The following DLG2 variants were observed in gnomAD, a reference collection of about 807,000 sequenced individuals.
The protein encoded by DLG2 is discs large MAGUK scaffold protein 2.
DLG2 carries 45 observed loss-of-function variants against 132.5 expected under a neutral mutation model. The ratio of observed to expected loss-of-function variants is 0.34; its 90% confidence interval spans 0.27 to 0.44. The LOEUF (loss-of-function observed/expected upper bound fraction) is 0.44. DLG2 is among the 20% of genes least tolerant of loss of function. The pLI, the probability that DLG2 is intolerant of heterozygous loss-of-function variation, is 1.00. For missense variants in DLG2, 1,045 were observed against 1,196.9 expected, an observed-to-expected ratio of 0.87 and a Z score of 1.87; for synonymous variants, 424 against 419.6, an observed-to-expected ratio of 1.01 and a Z score of -0.13.
In DLG2 at chr11:83,847,377, G is replaced by A. The variant is rs572910591; in HGVS notation, c.1566-13607C>T. On this transcript the variant is annotated intron_variant, in intron 16 of 27. Transcript: ENST00000376104. ...TGAAAGATTTTTTAAAATGTCTTTCGAGTTGAAGCATTATGGTATTATGAA... is the reference window on the plus strand; with the variant it reads ...TGAAAGATTTTTTAAAATGTCTTTCAAGTTGAAGCATTATGGTATTATGAA... Among the ~76,000 whole-genome samples the A allele has an allele frequency of 2.2e-3, 335 of 152,172 alleles. 2 individuals carry two copies. Among genetic ancestry groups the A allele is most frequent in the Non-Finnish European group, 2.6e-3 (176 of 67,990 alleles).
intron 4 of DLG2, among the ~76,000 whole-genome samples, chr11:85,193,877 T>C (rs1191533073): frequency 3.3e-5 from 5 of 152,238 alleles, no homozygotes; most frequent in African/African-American, 1.2e-4. Context: ...TTGTGCTATG[T>C]GGTTCAAATG....
chr11:84,731,410 A>C (rs2063135904), intron 6 of DLG2, among the ~76,000 whole-genome samples: 1 of 152,028 alleles, frequency 6.6e-6, no homozygotes. Context: ...GAGGAGAGCT[A>C]CATGGCTCTA....
At chr11:83,590,021 G>C (rs1001918752) in intron 19 of DLG2, among the ~76,000 whole-genome samples, 2 of 135,126 alleles carry the variant, frequency 1.5e-5, no homozygotes, top group Non-Finnish European at 3.1e-5. Context: ...AAGAGACTTA[G>C]ACTCCCACAC....
At chr11:83,824,834 T>C (rs190769915) in intron 17 of DLG2, among the ~76,000 whole-genome samples, 47 of 152,200 alleles carry the variant, frequency 3.1e-4, no homozygotes, top group African/African-American at 1.1e-3. Flanking sequence ...AGTAGTGATA[T>C]TGTGAGTCAG....
chr11:83,798,112 A>G (rs1278582827), intron 17 of DLG2, among the ~76,000 whole-genome samples: 2 of 152,192 alleles, frequency 1.3e-5, no homozygotes, highest in East Asian at 3.9e-4. Flanking sequence ...ATGGCTGCCA[A>G]GGTTTTCCAC....
At position 84,160,348 on chromosome 11, in the gene DLG2, T is replaced by C. The variant is rs144793576; in HGVS notation, c.624+3113A>G. Among the ~76,000 whole-genome samples, 56 of 152,168 alleles carry C rather than the reference T, an allele frequency of 3.7e-4. No homozygotes were observed. The East Asian group carries it at 0.01, about 28-fold the overall frequency. ...CTGGAAGTTAAAATGTTGACATCTT[T>C]GAGGAAGGAGGAAGCATCAAATCCT... On this transcript the variant is annotated intron_variant, in intron 9 of 27. Transcript: ENST00000376104.
At chr11:85,330,791 T>TTAAAAAAAAAAAAAAAAAAAAAAAA (rs1565332845) in intron 3 of DLG2, among the ~76,000 whole-genome samples, 1 of 69,072 alleles carries the variant, frequency 1.4e-5, no homozygotes, top group Non-Finnish European at 2.8e-5. Context: ...AAAAAAAAAA[T>TTAAAAAAAAAAAAAAAAAAAAAAAA]TAAAAAAAAA....
intron 6 of DLG2, among the ~76,000 whole-genome samples, chr11:84,900,536 C>T (rs1322164355): frequency 6.6e-6 from 1 of 151,918 alleles, no homozygotes; most frequent in East Asian, 1.9e-4. Flanking sequence ...GTGAAAATCT[C>T]TATTAGTCAA....
chr11:83,989,783 T>C lies in DLG2; in HGVS notation c.920-9141A>G, dbSNP rs188319454. Among the ~76,000 whole-genome samples, 50 of 152,222 alleles carry C rather than the reference T, an allele frequency of 3.3e-4. 1 individual carries two copies. The highest frequency in any genetic ancestry group is 2.9e-3 in the Admixed American group (45 of 15,264). On this transcript the variant is annotated intron_variant, in intron 11 of 27. Transcript: ENST00000376104. ...GTATTTATGATACAGTAAGACAGGG[T>C]AGTCCCTACTGAAATGAATACAATG...
At chr11:84,247,435 T>G (rs1211146716) in intron 8 of DLG2, among the ~76,000 whole-genome samples, 1 of 152,112 alleles carries the variant, frequency 6.6e-6, no homozygotes, top group East Asian at 1.9e-4. Flanking sequence ...ATAAAAATAT[T>G]GAGCAAAAAA....
intron 18 of DLG2, among the ~76,000 whole-genome samples, chr11:83,673,240 A>G (rs1270552948): frequency 2.0e-5 from 3 of 152,242 alleles, no homozygotes; most frequent in Admixed American, 6.5e-5. Flanking sequence ...GTTTTTTAAA[A>G]AAGCAATATT....
intron 3 of DLG2, among the ~76,000 whole-genome samples, chr11:85,540,495 C>G (rs2075894213): frequency 6.6e-6 from 1 of 152,166 alleles, no homozygotes; most frequent in African/African-American, 2.4e-5. Context: ...CCATTCCATC[C>G]CCCTCTGGCC....
chr11:85,428,819 A>G (rs1398464020), intron 3 of DLG2, among the ~76,000 whole-genome samples: 1 of 152,222 alleles, frequency 6.6e-6, no homozygotes, highest in Non-Finnish European at 1.5e-5. Context: ...AAACCCTTCA[A>G]AAAATCAATG....
chr11:84,002,677 G>A (rs574360762), intron 11 of DLG2, among the ~76,000 whole-genome samples: 7 of 152,176 alleles, frequency 4.6e-5, no homozygotes, highest in African/African-American at 7.2e-5. Flanking sequence ...CAAGGCCCTC[G>A]TCCTTGCCCA....
intron 9 of DLG2, among the ~76,000 whole-genome samples, chr11:84,144,938 T>C (rs1291553161): frequency 6.6e-5 from 10 of 152,192 alleles, no homozygotes; most frequent in Admixed American, 6.5e-4. Flanking sequence ...ACCTGTAATC[T>C]AGTGACCCAG....
intron 18 of DLG2, among the ~76,000 whole-genome samples, chr11:83,781,733 C>T (rs1017553291): frequency 2.0e-5 from 3 of 152,126 alleles, no homozygotes; most frequent in Admixed American, 6.6e-5. Context: ...CTCTTAACTC[C>T]ATTTTGAGCT....
At chr11:84,595,967 A>G (rs1274475460) in intron 6 of DLG2, among the ~76,000 whole-genome samples, 5 of 152,214 alleles carry the variant, frequency 3.3e-5, no homozygotes, top group African/African-American at 1.2e-4. Flanking sequence ...TTGCATCTTA[A>G]AGGTAAGAGC....
intron 9 of DLG2, among the ~76,000 whole-genome samples, chr11:84,136,656 C>T (rs1945821): frequency 0.74 from 112,361 of 152,034 alleles, 42,427 homozygotes; most frequent in Middle Eastern, 0.85. Flanking sequence ...GATTTTTAAA[C>T]AAAATATGAC....
At chr11:85,307,103 C>T (rs988595967) in intron 3 of DLG2, among the ~76,000 whole-genome samples, 1 of 152,158 alleles carries the variant, frequency 6.6e-6, no homozygotes, top group Non-Finnish European at 1.5e-5. Context: ...GGTTGGCCAT[C>T]CACACAGTAT....
Sources: gnomAD v4.1 joint callset for allele counts (sites outside exome capture counted in the v4.1 genomes callset) on GRCh38, gnomAD v4.1.1 for gene constraint, MANE v1.5 for transcripts, NCBI Gene and HGNC (gene_info 2026-07-23, HGNC 2026-07-21) for gene names.